PTPRA: variants seen among roughly 807,000 people sequenced by gnomAD.
The protein encoded by PTPRA is receptor-type tyrosine-protein phosphatase alpha.
Under a neutral mutation model 104.8 loss-of-function variants are expected in PTPRA, and 25 were observed. That is an observed-to-expected ratio of 0.24 (90% CI 0.17 to 0.33). PTPRA has a LOEUF of 0.33. Among genes scored for constraint, PTPRA ranks in the 10% least tolerant of loss-of-function variants. PTPRA has a pLI of 1.00. For missense variants in PTPRA, 765 were observed against 1,015.3 expected (o/e 0.75, Z 3.35); for synonymous variants, 323 against 368.9 (o/e 0.88, Z 1.43).
chr20:3,005,828 A>G (rs1379371003), intron 10 of PTPRA, among the ~76,000 whole-genome samples: 1 of 152,156 alleles, frequency 6.6e-6, no homozygotes, highest in Non-Finnish European at 1.5e-5. Flanking sequence ...AGTTCTCTGT[A>G]TAAACCCTTC....
At chr20:2,918,709 T>A (rs776008106) in intron 1 of PTPRA, among the ~76,000 whole-genome samples, 1 of 152,256 alleles carries the variant, frequency 6.6e-6, no homozygotes. Context: ...CAAACAGGGC[T>A]TTAAAACCTT....
chr20:3,010,355 G>A (rs1473197727), intron 11 of PTPRA, among the ~76,000 whole-genome samples: 3 of 151,602 alleles, frequency 2.0e-5, no homozygotes, highest in Non-Finnish European at 4.4e-5. Flanking sequence ...CCAGCCGGGT[G>A]CGGTGGCTCA....
chr20:3,034,990 C>A (rs181747174), intron 20 of PTPRA, among the ~76,000 whole-genome samples: 2 of 152,026 alleles, frequency 1.3e-5, no homozygotes, highest in African/African-American at 4.8e-5. Context: ...TGAAAAGAGA[C>A]GCAGCCACTC....
At chr20:2,884,966 C>T (rs1353620548) in intron 1 of PTPRA, among the ~76,000 whole-genome samples, 1 of 152,068 alleles carries the variant, frequency 6.6e-6, no homozygotes, top group Non-Finnish European at 1.5e-5. Flanking sequence ...CCCCCCACCA[C>T]ATCCAGCTAA....
chr20:2,955,097 T>C (rs1465806899), intron 3 of PTPRA, among the ~76,000 whole-genome samples: 1 of 152,250 alleles, frequency 6.6e-6, no homozygotes, highest in Non-Finnish European at 1.5e-5. Flanking sequence ...GCCTTAACAC[T>C]GAGTAGATAG....
chr20:2,971,585 G>A (rs938006478), intron 5 of PTPRA, among the ~76,000 whole-genome samples: 1 of 152,146 alleles, frequency 6.6e-6, no homozygotes, highest in African/African-American at 2.4e-5. Flanking sequence ...ACAAAGTTAA[G>A]CAGCTGGTAA....
intron 3 of PTPRA, among the ~76,000 whole-genome samples, 186 bp downstream of exon 3, chr20:2,948,210 T>G (rs930731712): frequency 1.3e-5 from 2 of 152,170 alleles, no homozygotes; most frequent in African/African-American, 4.8e-5. Flanking sequence ...ATTAGTGATA[T>G]GTGTTGATTT....
At chr20:2,913,617 A>G (rs932330097) in intron 1 of PTPRA, among the ~76,000 whole-genome samples, 4 of 152,018 alleles carry the variant, frequency 2.6e-5, no homozygotes, top group Non-Finnish European at 4.4e-5. Flanking sequence ...TCATCTTTAG[A>G]TTCAGATTAT....
chr20:3,021,605 T>C (rs551628658), intron 14 of PTPRA, among the ~76,000 whole-genome samples, 177 bp downstream of exon 14: 1 of 152,374 alleles, frequency 6.6e-6, no homozygotes, highest in South Asian at 2.1e-4. Context: ...AGCAGTATTT[T>C]CATGACTGGT....
intron 1 of PTPRA, among the ~76,000 whole-genome samples, chr20:2,894,341 A>G (rs2058910562): frequency 1.3e-5 from 2 of 152,312 alleles, no homozygotes; most frequent in East Asian, 1.9e-4. Flanking sequence ...TTTTGGCATT[A>G]AGTGAGTCAG....
chr20:3,030,978 C>G (rs1253647523), intron 20 of PTPRA, among the ~76,000 whole-genome samples: 1 of 152,070 alleles, frequency 6.6e-6, no homozygotes, highest in Non-Finnish European at 1.5e-5. Flanking sequence ...TTGCGCCTGG[C>G]CTCCTTCTGC....
intron 2 of PTPRA, among the ~76,000 whole-genome samples, chr20:2,944,075 C>G (rs2061034392): frequency 6.9e-6 from 1 of 145,086 alleles, no homozygotes; most frequent in East Asian, 2.0e-4. Flanking sequence ...GGGTCTCACT[C>G]TGCCACCCAG....
downstream of PTPRA, chr20:3,038,669 AG>A: frequency 6.5e-6 from 1 of 154,524 alleles, no homozygotes; most frequent in Non-Finnish European, 1.4e-5. Flanking sequence ...TGACTCCCTG[AG>A]GAAATGTCTC....
chr20:2,865,424 C>G, the PTPRA span: 1 of 1,614,200 alleles, frequency 6.2e-7, no homozygotes, highest in Non-Finnish European at 8.5e-7. This position sits in a 1 kb window ranked among gnomAD's most constrained non-coding sequence, Gnocchi z 5.2. Context: ...GCTGACTGCC[C>G]TGGCAGATTT....
chr20:2,908,471 A>G (rs1050211860), intron 1 of PTPRA, among the ~76,000 whole-genome samples: 4 of 152,220 alleles, frequency 2.6e-5, no homozygotes, highest in African/African-American at 7.2e-5. Flanking sequence ...TTGAGTGTGC[A>G]TAGATTTTGG....
chr20:2,927,202 C>T (rs568467085), intron 2 of PTPRA, among the ~76,000 whole-genome samples: 89 of 152,134 alleles, frequency 5.9e-4, no homozygotes, highest in Non-Finnish European at 1.2e-3. Context: ...GTGCCGCGCC[C>T]ACTTAATATT....
intron 20 of PTPRA, among the ~76,000 whole-genome samples, chr20:3,033,902 A>C (rs974985273): frequency 2.8e-3 from 3 of 1,058 alleles, no homozygotes; most frequent in African/African-American, 8.1e-3. Context: ...CTCCATCTCA[A>C]AAAAAAAAAA....
intron 1 of PTPRA, among the ~76,000 whole-genome samples, chr20:2,887,317 G>A (rs2090443444): frequency 6.6e-6 from 1 of 152,104 alleles, no homozygotes; most frequent in South Asian, 2.1e-4. Flanking sequence ...CATGTGTTGG[G>A]GATGTATACT....
At chr20:2,931,070 G>T (rs891171739) in intron 2 of PTPRA, among the ~76,000 whole-genome samples, 5 of 152,096 alleles carry the variant, frequency 3.3e-5, no homozygotes, top group Non-Finnish European at 2.9e-5. Flanking sequence ...TGGGAGTCTG[G>T]ACCAGATCAA....
Sources: gnomAD v4.1 joint callset for allele counts (sites outside exome capture counted in the v4.1 genomes callset) on GRCh38, gnomAD v4.1.1 for gene constraint, Gnocchi (gnomAD v3.1) non-coding constraint, MANE v1.5 for transcripts, NCBI Gene and HGNC (gene_info 2026-07-23, HGNC 2026-07-21) for gene names.